SIN3B: variants seen among roughly 807,000 people sequenced by gnomAD.
SIN3B encodes SIN3 transcription regulator family member B.
Under a neutral mutation model 120.2 loss-of-function variants are expected in SIN3B, and 19 were observed. The ratio of observed to expected loss-of-function variants is 0.16; its 90% CI spans 0.11 to 0.23. The LOEUF (loss-of-function observed/expected upper bound fraction) is 0.23, where lower values mean the gene tolerates loss of function less well. Among genes scored for constraint, SIN3B ranks in the 10% least tolerant of loss-of-function variants. SIN3B has a pLI of 1.00. For missense variants in SIN3B, 1,073 were observed against 1,573.0 expected (o/e 0.68, Z 5.38); for synonymous variants, 654 against 653.2 (o/e 1.00, Z -0.02).
rs370832500 is a variant in SIN3B, at chr19:16,855,898, A to T, written c.1058+1637A>T. 9.9e-5 allele frequency among the ~76,000 whole-genome samples: 15 copies of T among 151,660 alleles called. No homozygotes were observed. In the East Asian group the frequency reaches 2.1e-3, roughly 22 times the overall value. On this transcript the variant is annotated intron_variant, in intron 8 of 18. Transcript: ENST00000248054. Reference sequence around the variant, plus strand: ...TGGCCAAACCCTGTCTCTACCAAAAAATATAAAAATTCGCCGGGGGTGGTG... The same window carrying T: ...TGGCCAAACCCTGTCTCTACCAAAATATATAAAAATTCGCCGGGGGTGGTG...
At position 16,840,013 on chromosome 19, in the gene SIN3B, A is replaced by G. The variant is rs576974185; in HGVS notation, c.382-1755A>G. 5.3e-5 allele frequency among the ~76,000 whole-genome samples: 8 copies of G among 152,308 alleles called. No individual in the cohort carries two copies. In the South Asian group the frequency reaches 1.7e-3, roughly 32 times the overall value. ...AGCAAGACTCCATCTCAAAACAAAAAGAACAAATCCCGCCACCAAGGAGAA... is the reference window on the plus strand; with the variant it reads ...AGCAAGACTCCATCTCAAAACAAAAGGAACAAATCCCGCCACCAAGGAGAA... On this transcript the variant is annotated intron_variant, in intron 3 of 18. Transcript: ENST00000248054.
At chr19:16,863,155 C>A (rs1971713002) in intron 9 of SIN3B, 2 of 587,164 alleles carry the variant, frequency 3.4e-6, no homozygotes, top group Non-Finnish European at 6.1e-6. Flanking sequence ...TGGTTGCTGT[C>A]TGACCCTTTG....
At position 16,869,543 on chromosome 19, in the gene SIN3B, G is replaced by A. The variant is rs761786073; in HGVS notation, c.1890G>A (p.Leu630=). The part of the protein sequence containing the change: ...LIFVYEDRQI[L]EDAAALISYY... ...TTGTGTACGAGGACCGGCAGATCCT[G>A]GAGGACGCAGCAGCGCTCATCAGCT... Residue 630 remains leucine (L), a synonymous_variant, in exon 13 of 19, where the codon CTG becomes CTA. Transcript: ENST00000248054. 2.5e-6 allele frequency: 4 copies of A among 1,613,906 alleles called. No homozygotes were observed. Among genetic ancestry groups the A allele is most frequent in the South Asian group, 1.1e-5 (1 of 91,088 alleles).
intron 8 of SIN3B, among the ~76,000 whole-genome samples, chr19:16,859,342 C>T (rs1035293927): frequency 6.3e-4 from 95 of 151,862 alleles, no homozygotes; most frequent in African/African-American, 2.2e-3. Context: ...TTTTTTAACT[C>T]AGCATTTCTT....
intron 3 of SIN3B, 100 bp downstream of exon 3, chr19:16,831,747 C>A: frequency 1.0e-6 from 1 of 1,002,822 alleles, no homozygotes. Flanking sequence ...GCTAGAAAGC[C>A]ACTTAAGATC....
intron 2 of SIN3B, 23 bp downstream of exon 2, chr19:16,829,920 C>G (rs533007278): frequency 6.5e-7 from 1 of 1,540,400 alleles, no homozygotes; most frequent in Non-Finnish European, 9.0e-7. Context: ...CCCCTCTCCA[C>G]CTCAGGGGAC....
rs56055685 is a variant in SIN3B at position 16,855,370 on chromosome 19, T to TCCCCC, written c.1058+1120_1058+1124dup. The stretch of plus-strand genomic sequence containing the variant: ...AGGAGGAACCCTCTGGGAGAAACCT[T>TCCCCC]CCCCCCCCCCCCCCCAGCAAAATTC... On this transcript the variant is annotated intron_variant, in intron 8 of 18. Transcript: ENST00000248054. The TCCCCC allele has an allele frequency of 3.2e-4, 17 of 52,958 alleles. 2 individuals are homozygous for TCCCCC. The highest frequency in any genetic ancestry group is 5.0e-4 in the Non-Finnish European group (14 of 28,084). The allele number at this position is 52,958 out of a possible 1,614,324, so 3.3% of individuals were successfully genotyped here.
Position 16,871,234 on chromosome 19 carries a change from G to T in SIN3B, c.2428G>T (p.Val810Leu). 1 of 1,614,164 alleles carries T rather than the reference G, an allele frequency of 6.2e-7. No homozygotes were observed. Among genetic ancestry groups the T allele is most frequent in the Non-Finnish European group, 8.5e-7 (1 of 1,180,002 alleles). Residue 810 changes from valine (V) to leucine (L), a missense_variant, in exon 14 of 19, where the codon GTG (valine) becomes TTG (leucine). Physicochemically the swap from Val to Leu is conservative, Grantham distance 32. This residue lies in a region of SIN3B where 52 missense variants were observed against 68.8 expected (regional missense o/e 0.76). Coordinates refer to ENST00000248054, the MANE Select transcript of SIN3B (RefSeq NM_001297595.2). ...MELRLKQPSE[V>L]ELEEYYPAFL... ...GAGGCGGTGTGTCTCCGCAGGTGAAGTGGAGCTGGAGGAGTACTACCCGGC... is the reference window on the plus strand; with the variant it reads ...GAGGCGGTGTGTCTCCGCAGGTGAATTGGAGCTGGAGGAGTACTACCCGGC...
In SIN3B at chr19:16,876,414, G is replaced by A. The variant is rs931158478; in HGVS notation, c.2767-72G>A. 6.6e-7 allele frequency: 1 copy of A among 1,510,548 alleles called. No individual in the cohort carries two copies. Among genetic ancestry groups the A allele is most frequent in the Non-Finnish European group, 9.1e-7 (1 of 1,098,386 alleles). 93.6% of individuals were successfully genotyped at this position (1,510,548 alleles called of 1,614,324 possible). A position where few individuals can be genotyped will look rare whatever the true frequency, so the allele number is the denominator to read the frequency against. On this transcript the variant is annotated intron_variant, in intron 15 of 18. Transcript: ENST00000248054. The surrounding 1 kb of genome is among the most constrained non-coding windows in gnomAD (Gnocchi z 7.1). The stretch of plus-strand genomic sequence containing the variant: ...AGGGTGGCAAAGGCGGGAGGCGGGT[G>A]GCCTTGCGAGCCTGCGCTGTGCCGG...
Position 16,877,651 on chromosome 19 carries a change from T to G in SIN3B, c.2954+12T>G, listed in dbSNP as rs1354743476. 3 of 1,569,188 alleles carry G rather than the reference T, an allele frequency of 1.9e-6. No homozygotes were observed. Among genetic ancestry groups the G allele is most frequent in the Non-Finnish European group, 2.6e-6 (3 of 1,146,084 alleles). On this transcript the variant is annotated intron_variant, in intron 17 of 18. Coordinates refer to ENST00000248054, the MANE Select transcript of SIN3B (RefSeq NM_001297595.2). ...GTGTTCCTGCAGAGGTAAGAGGCCC[T>G]GAGATGCATGCTCTGTTCCTTCCTT...
At position 16,869,731 on chromosome 19, in the gene SIN3B, C is replaced by T; in HGVS notation, c.2078C>T (p.Thr693Ile). Residue 693 changes from threonine (T) to isoleucine (I), a missense_variant, in exon 13 of 19, where the codon ACA becomes ATA. By Grantham distance (89) the Thr-to-Ile change is moderately conservative. Transcript: ENST00000248054. The stretch of plus-strand genomic sequence containing the variant: ...CGGGACAGCCCCCAGGGGCAGACCA[C>T]AGACCCCAGTGAGCGGAAGAAGCCG... ...EDRDSPQGQT[T>I]DPSERKKPAP... The T allele has an allele frequency of 6.2e-7, 1 of 1,613,360 alleles. No individual in the cohort carries two copies. The highest frequency in any genetic ancestry group is 8.5e-7 in the Non-Finnish European group (1 of 1,179,980).
intron 14 of SIN3B, among the ~76,000 whole-genome samples, chr19:16,874,385 G>C (rs1401853916): frequency 6.6e-6 from 1 of 152,104 alleles, no homozygotes; most frequent in Non-Finnish European, 1.5e-5. Context: ...GGTTTGGTCT[G>C]GTTTGGTCTG....
chr19:16,856,065 A>G (rs189422931), intron 8 of SIN3B, among the ~76,000 whole-genome samples: 2 of 152,294 alleles, frequency 1.3e-5, no homozygotes, highest in East Asian at 3.9e-4. Context: ...TCCAAAAAAT[A>G]TATGTATATA....
At chr19:16,875,945 T>C (rs1054171179) in intron 14 of SIN3B, 110 bp from the exon 15 acceptor site, 6 of 1,296,684 alleles carry the variant, frequency 4.6e-6, no homozygotes, top group Non-Finnish European at 6.3e-6. Flanking sequence ...CCCTGTGTCA[T>C]GCACTCTCCA....
At position 16,878,829 on chromosome 19, in the gene SIN3B, C is replaced by A; in HGVS notation, c.*102C>A. 2 of 1,026,824 alleles carry A rather than the reference C, an allele frequency of 1.9e-6. No homozygotes were observed. Among genetic ancestry groups the A allele is most frequent in the Non-Finnish European group, 2.8e-6 (2 of 710,534 alleles). 63.6% of individuals were successfully genotyped at this position (1,026,824 alleles called of 1,614,324 possible). A position where few individuals can be genotyped will look rare whatever the true frequency, so the allele number is the denominator to read the frequency against. The stretch of plus-strand genomic sequence containing the variant: ...TTCTTGAACGACGTGAGAGGCATCT[C>A]CCAGCCCCTCTGCTGCCGGACAGCG... On this transcript the variant is annotated 3_prime_UTR_variant, in exon 19 of 19. Transcript: ENST00000248054.
intron 7 of SIN3B, 28 bp from the exon 8 acceptor site, chr19:16,854,115 C>T: frequency 6.4e-7 from 1 of 1,569,764 alleles, no homozygotes; most frequent in Non-Finnish European, 8.7e-7. Context: ...CAGGGGTTCA[C>T]AGTGGTCCCT....
At chr19:16,860,844 C>T (rs1019876819) in intron 8 of SIN3B, among the ~76,000 whole-genome samples, 23 of 151,990 alleles carry the variant, frequency 1.5e-4, no homozygotes, top group Admixed American at 6.6e-4. Context: ...CCGCCCGCCT[C>T]GGCCTCCCAA....
intron 3 of SIN3B, among the ~76,000 whole-genome samples, chr19:16,839,972 C>G (rs1971396603): frequency 6.6e-6 from 1 of 152,158 alleles, no homozygotes; most frequent in Non-Finnish European, 1.5e-5. Context: ...CCACTGCACT[C>G]CAGCCTGGGA....
chr19:16,860,518 G>A (rs530620122), intron 8 of SIN3B, among the ~76,000 whole-genome samples: 210 of 152,206 alleles, frequency 1.4e-3, no homozygotes, highest in African/African-American at 4.7e-3. Context: ...ATCAATGAGG[G>A]GGACGTCGTT....
Sources: gnomAD v4.1 joint callset for allele counts (sites outside exome capture counted in the v4.1 genomes callset) on GRCh38, gnomAD v4.1.1 for gene constraint, gnomAD v4.1.1 regional missense constraint, Gnocchi (gnomAD v3.1) non-coding constraint, MANE v1.5 for transcripts, NCBI Gene and HGNC (gene_info 2026-07-23, HGNC 2026-07-21) for gene names.